The following AGR3 variants were observed in gnomAD, a reference collection of about 807,000 sequenced individuals.
AGR3 encodes the protein anterior gradient 3, protein disulphide isomerase family member, also known as anterior gradient protein 3.
Under a neutral mutation model 24.5 loss-of-function variants are expected in AGR3, and 37 were observed. The ratio of observed to expected loss-of-function variants is 1.51; its 90% confidence interval spans 1.16 to 1.99. AGR3 has a LOEUF of 1.99. Among genes scored for constraint, AGR3 ranks in the 30% most tolerant of loss-of-function variants. The pLI, the probability that AGR3 is intolerant of heterozygous loss-of-function variation, is 0.00. For missense variants in AGR3, 228 were observed against 191.1 expected (o/e 1.19, Z -1.14); for synonymous variants, 75 against 61.6 (o/e 1.22, Z -1.02).
At chr7:16,866,359 A>G in intron 3 of AGR3, 1 of 351,712 alleles carries the variant, frequency 2.8e-6, no homozygotes, top group South Asian at 2.9e-5. Flanking sequence ...AGTACATTAA[A>G]CTATAATTCA....
chr7:16,873,717 A>G, intron 3 of AGR3, 63 bp downstream of exon 3: 2 of 1,256,166 alleles, frequency 1.6e-6, no homozygotes, highest in Non-Finnish European at 2.3e-6. Context: ...TTCCATAAAT[A>G]TGTACAATTA....
chr7:16,868,464 T>G (rs974199554), intron 3 of AGR3, among the ~76,000 whole-genome samples: 1 of 152,164 alleles, frequency 6.6e-6, no homozygotes. Flanking sequence ...CTGTATGTCT[T>G]CTTTTAAGAA....
rs147072648 is a variant in AGR3, at chr7:16,866,221, T to C, written c.174-3559A>G. The stretch of plus-strand genomic sequence containing the variant: ...GTGGCAGTAATAGTAGAGATGTCTC[T>C]ATACTCTAGAAAATCATTGAATGAT... On this transcript the variant is annotated intron_variant, in intron 3 of 7. Coordinates refer to ENST00000310398, the MANE Select transcript of AGR3 (RefSeq NM_176813.5). The C allele has an allele frequency of 5.0e-3, 2,617 of 525,476 alleles. 18 individuals carry two copies. Among genetic ancestry groups the C allele is most frequent in the Non-Finnish European group, 7.9e-3 (2,059 of 261,108 alleles). 32.6% of individuals were successfully genotyped at this position (525,476 alleles called of 1,614,324 possible).
chr7:16,880,300 ACAGGTGTCCAC>A (rs1782085339), intron 1 of AGR3, among the ~76,000 whole-genome samples: 3 of 151,314 alleles, frequency 2.0e-5, no homozygotes, highest in Non-Finnish European at 2.9e-5. Flanking sequence ...ACGTGGGACT[ACAGGTGTCCAC>A]CATCATGCCC....
intron 2 of AGR3, among the ~76,000 whole-genome samples, chr7:16,876,448 C>G (rs1781988023): frequency 6.6e-6 from 1 of 151,824 alleles, no homozygotes; most frequent in African/African-American, 2.4e-5. Context: ...TCTCCCTGAA[C>G]CTTCTTCTAC....
chr7:16,862,133 G>T, intron 4 of AGR3, 73 bp from the exon 5 acceptor site: 1 of 1,164,712 alleles, frequency 8.6e-7, no homozygotes, highest in Non-Finnish European at 1.3e-6. Context: ...GCAAAATAAA[G>T]CTAATATTTA....
rs78124927 is a variant in AGR3, at chr7:16,880,623, A to G, written c.-28+1321T>C. Reference sequence around the variant, plus strand: ...TCCTGTCCTTTCTTTCCAGGCATATAAAAACCCTGTTAAACAATTATCACG... The same window carrying G: ...TCCTGTCCTTTCTTTCCAGGCATATGAAAACCCTGTTAAACAATTATCACG... On this transcript the variant is annotated intron_variant, in intron 1 of 7. Coordinates refer to ENST00000310398, the MANE Select transcript of AGR3 (RefSeq NM_176813.5). 8.9e-3 allele frequency among the ~76,000 whole-genome samples: 1,318 copies of G among 148,450 alleles called. 15 individuals carry two copies. Among genetic ancestry groups the G allele is most frequent in the African/African-American group, 0.031 (1,257 of 39,972 alleles).
chr7:16,866,001 A>G, intron 3 of AGR3: 1 of 659,652 alleles, frequency 1.5e-6, no homozygotes, highest in South Asian at 1.5e-5. Flanking sequence ...TGCACAGCCA[A>G]GTTCATGCTA....
chr7:16,864,013 G>A (rs1191052658), intron 3 of AGR3, among the ~76,000 whole-genome samples: 2 of 152,060 alleles, frequency 1.3e-5, no homozygotes, highest in Non-Finnish European at 2.9e-5. Context: ...TATACACACT[G>A]ACCTCTCCTT....
intron 5 of AGR3, 30 bp downstream of exon 5, chr7:16,861,954 T>C: frequency 1.3e-6 from 2 of 1,530,228 alleles, no homozygotes; most frequent in Non-Finnish European, 1.8e-6. Context: ...GAAATTATAG[T>C]ATTAAGAAAA....
At chr7:16,880,072 C>CTT (rs1782076195) in intron 1 of AGR3, among the ~76,000 whole-genome samples, 1 of 141,166 alleles carries the variant, frequency 7.1e-6, no homozygotes, top group African/African-American at 2.6e-5. Flanking sequence ...TCCTTCCTTC[C>CTT]CCTTCCTTCT....
chr7:16,876,555 T>C (rs1355757391), intron 2 of AGR3, among the ~76,000 whole-genome samples: 2 of 152,128 alleles, frequency 1.3e-5, no homozygotes, highest in Non-Finnish European at 2.9e-5. Context: ...CTCTTTATAC[T>C]GTATCCAGAC....
At chr7:16,865,417 A>G in intron 3 of AGR3, 2 of 926,238 alleles carry the variant, frequency 2.2e-6, no homozygotes, top group East Asian at 2.4e-5. Flanking sequence ...CGATTAAGAA[A>G]TTTCATCGTA....
intron 3 of AGR3, among the ~76,000 whole-genome samples, chr7:16,873,081 C>G (rs145150922): frequency 2.0e-5 from 3 of 152,088 alleles, no homozygotes; most frequent in Non-Finnish European, 4.4e-5. Context: ...CCATATGATC[C>G]AGCTTTCCTA....
chr7:16,872,232 CA>C (rs1295069322), intron 3 of AGR3, among the ~76,000 whole-genome samples: 6 of 152,246 alleles, frequency 3.9e-5, no homozygotes, highest in Admixed American at 3.3e-4. Context: ...GTAAACAAAA[CA>C]GCATGGTATT....
At chr7:16,866,564 C>A (rs2115304612) in intron 3 of AGR3, among the ~76,000 whole-genome samples, 1 of 152,246 alleles carries the variant, frequency 6.6e-6, no homozygotes, top group East Asian at 1.9e-4. Flanking sequence ...TGTACCAATT[C>A]ATATTCTCTC....
chr7:16,870,394 A>T (rs538350634), intron 3 of AGR3, among the ~76,000 whole-genome samples: 1 of 145,778 alleles, frequency 6.9e-6, no homozygotes, highest in East Asian at 2.2e-4. Flanking sequence ...TTTTCCTTCT[A>T]TAATTGTGTT....
At chr7:16,880,465 T>TTCCTCTCCCC (rs1782089336) in intron 1 of AGR3, among the ~76,000 whole-genome samples, 1 of 107,560 alleles carries the variant, frequency 9.3e-6, no homozygotes, top group Admixed American at 1.0e-4. Flanking sequence ...CCGGACTCCT[T>TTCCTCTCCCC]TCCTCTCCCC....
intron 3 of AGR3, chr7:16,865,773 G>C: frequency 1.3e-6 from 1 of 750,832 alleles, no homozygotes; most frequent in South Asian, 1.4e-5. Context: ...GATTCAGTAT[G>C]AAACATTTCC....
Sources: gnomAD v4.1 joint callset for allele counts (sites outside exome capture counted in the v4.1 genomes callset) on GRCh38, gnomAD v4.1.1 for gene constraint, MANE v1.5 for transcripts, NCBI Gene and HGNC (gene_info 2026-07-23, HGNC 2026-07-21) for gene names.